ARSK: variants seen among roughly 807,000 people sequenced by gnomAD.
The protein encoded by ARSK is arylsulfatase K.
In ARSK, 37 loss-of-function variants were observed where a neutral mutation model predicts 53.2. That is an observed-to-expected ratio of 0.70 (90% CI 0.54 to 0.92). ARSK has a LOEUF of 0.92. ARSK is among the 40% of genes least tolerant of loss of function. The pLI, the probability that ARSK is intolerant of heterozygous loss-of-function variation, is 0.00. For missense variants in ARSK, 613 were observed against 643.0 expected (o/e 0.95, Z 0.51); for synonymous variants, 208 against 223.2 (o/e 0.93, Z 0.61).
rs1243851309 is a variant in ARSK at position 95,604,214 on chromosome 5, G to A, written c.*688G>A. The stretch of plus-strand genomic sequence containing the variant: ...TACTTGTATTTGATGGGATTGTTTG[G>A]ATGTATTTAATGGGAGTATTTGGAG... On this transcript the variant is annotated 3_prime_UTR_variant, in exon 8 of 8. Transcript: ENST00000380009. 2 of 152,212 alleles carry A rather than the reference G, an allele frequency of 1.3e-5. No individual in the cohort carries two copies. Among genetic ancestry groups the A allele is most frequent in the African/African-American group, 4.8e-5 (2 of 41,462 alleles). The allele number at this position is 152,212 out of a possible 1,614,324, so 9.4% of individuals were successfully genotyped here.
rs1172154966 is a variant in ARSK at position 95,604,729 on chromosome 5, C to A, written c.*1203C>A. ...ATAAAAATGTTCTATTTTTATTTTT[C>A]TTTTTATGAGTAACGTAGAGCATAT... On this transcript the variant is annotated 3_prime_UTR_variant, in exon 8 of 8. Transcript: ENST00000380009. 6 of 152,072 alleles carry A rather than the reference C, an allele frequency of 3.9e-5. No homozygotes were observed. The highest frequency in any genetic ancestry group is 4.1e-4 in the South Asian group (2 of 4,824). The allele number at this position is 152,072 out of a possible 1,614,324, so 9.4% of individuals were successfully genotyped here.
Position 95,600,983 on chromosome 5 carries a change from T to C in ARSK, c.1233T>C (p.Asn411=), listed in dbSNP as rs1749391957. 1 of 1,614,108 alleles carries C rather than the reference T, an allele frequency of 6.2e-7. No individual in the cohort carries two copies. The highest frequency in any genetic ancestry group is 8.5e-7 in the Non-Finnish European group (1 of 1,179,952). Residue 411 remains asparagine, a synonymous_variant, in exon 7 of 8, where the codon AAT becomes AAC. Coordinates refer to ENST00000380009, the MANE Select transcript of ARSK (RefSeq NM_198150.3). ...PWILSEFHGC[N]VNASTYMLRT... is the part of the protein sequence containing the mutation. ...TTCTGAGTGAATTCCATGGATGTAA[T>C]GTGAATGCCTCCACCTACATGCTTC... is the stretch of plus-strand genomic sequence containing the variant.
chr5:95,571,621 GA>G (rs924511017), intron 3 of ARSK, among the ~76,000 whole-genome samples: 5 of 151,946 alleles, frequency 3.3e-5, no homozygotes, highest in African/African-American at 1.2e-4. Context: ...ATTAGTAGAG[GA>G]AAAAAACACT....
rs1749049797 is a variant in ARSK, at chr5:95,583,174, C to T, written c.675C>T (p.His225=). 1 of 1,587,064 alleles carries T rather than the reference C, an allele frequency of 6.3e-7. No homozygotes were observed. The highest frequency in any genetic ancestry group is 8.6e-7 in the Non-Finnish European group (1 of 1,162,984). Reference sequence around the variant, plus strand: ...AAAATTTTGGATCTTCAACATTTCACACATCTCTTTATTGGCTTGAAAAAG... The same window carrying T: ...AAAATTTTGGATCTTCAACATTTCATACATCTCTTTATTGGCTTGAAAAAG... The part of the protein sequence containing the change: ...SGENFGSSTF[H]TSLYWLEKVS... Residue 225 remains histidine (H), a synonymous_variant, in exon 4 of 8, where the codon CAC becomes CAT. Coordinates refer to ENST00000380009, the MANE Select transcript of ARSK (RefSeq NM_198150.3).
At chr5:95,602,283 C>T (rs1422235738) in intron 7 of ARSK, among the ~76,000 whole-genome samples, 2 of 152,164 alleles carry the variant, frequency 1.3e-5, no homozygotes, top group East Asian at 3.9e-4. Context: ...TCAGGAATCA[C>T]TAAATAAAAG....
In ARSK at chr5:95,603,779, A is replaced by G. The variant is rs1749453888; in HGVS notation, c.*253A>G. 4.5e-6 allele frequency: 1 copy of G among 222,682 alleles called. No individual in the cohort carries two copies. The highest frequency in any genetic ancestry group is 8.8e-6 in the Non-Finnish European group (1 of 113,914). The allele number at this position is 222,682 out of a possible 1,614,324, so 13.8% of individuals were successfully genotyped here. A position where few individuals can be genotyped will look rare whatever the true frequency, so the allele number is the denominator to read the frequency against. ...AAAAATTAGCTGGGCGCGGTGGTGC[A>G]CACCTATAGTCTCAGCTACTCAGAG... On this transcript the variant is annotated 3_prime_UTR_variant, in exon 8 of 8. Transcript: ENST00000380009.
intron 1 of ARSK, among the ~76,000 whole-genome samples, chr5:95,560,669 C>T (rs1257098051): frequency 2.0e-5 from 3 of 151,212 alleles, no homozygotes; most frequent in Admixed American, 2.0e-4. Context: ...TTGCACCATA[C>T]ACAAACACAC....
intron 5 of ARSK, among the ~76,000 whole-genome samples, chr5:95,588,931 C>T (rs932989232): frequency 1.3e-5 from 2 of 152,130 alleles, no homozygotes; most frequent in African/African-American, 4.8e-5. Context: ...CACTGCACTC[C>T]AGCCTGGTGA....
chr5:95,567,682 G>A (rs529567040), intron 2 of ARSK, among the ~76,000 whole-genome samples: 2 of 152,148 alleles, frequency 1.3e-5, no homozygotes, highest in Non-Finnish European at 2.9e-5. Flanking sequence ...CAACTCATCT[G>A]TAAAATGGAA....
chr5:95,580,981 T>A, intron 3 of ARSK: 1 of 1,184,738 alleles, frequency 8.4e-7, no homozygotes. Context: ...ATCTTGTCTC[T>A]GCTGCCTTAA....
intron 6 of ARSK, among the ~76,000 whole-genome samples, chr5:95,598,778 C>A (rs1749352035): frequency 1.3e-5 from 2 of 152,300 alleles, no homozygotes; most frequent in South Asian, 4.1e-4. Context: ...TTACTCTACT[C>A]CAGCCAAACA....
In ARSK at chr5:95,584,633, G is replaced by A. The variant is rs185968220; in HGVS notation, c.699+1435G>A. On this transcript the variant is annotated intron_variant, in intron 4 of 7. Coordinates refer to ENST00000380009, the MANE Select transcript of ARSK (RefSeq NM_198150.3). ...CCACAGAGTTTGTGAGAAAATCTTC[G>A]CAATCTATACATCTGACAAAAGACT... is the stretch of plus-strand genomic sequence containing the variant. 1.3e-3 allele frequency among the ~76,000 whole-genome samples: 205 copies of A among 152,046 alleles called. 1 individual carries two copies. The highest frequency in any genetic ancestry group is 2.3e-3 in the South Asian group (11 of 4,822).
At chr5:95,601,094 A>G in intron 7 of ARSK, 23 bp downstream of exon 7, 3 of 1,582,878 alleles carry the variant, frequency 1.9e-6, no homozygotes, top group African/African-American at 2.7e-5. Context: ...ATATATTTTT[A>G]AGTGTAATAT....
chr5:95,567,831 C>A, intron 2 of ARSK, 59 bp from the exon 3 acceptor site: 1 of 1,508,340 alleles, frequency 6.6e-7, no homozygotes, highest in Non-Finnish European at 9.0e-7. Context: ...AGTAATTGTC[C>A]TAATAGTTAA....
intron 3 of ARSK, among the ~76,000 whole-genome samples, chr5:95,571,027 C>T (rs907156426): frequency 6.6e-6 from 1 of 152,178 alleles, no homozygotes; most frequent in Non-Finnish European, 1.5e-5. Flanking sequence ...ATGATCTGCC[C>T]GCCTAGGCCT....
At chr5:95,585,316 A>G (rs1056333868) in intron 4 of ARSK, among the ~76,000 whole-genome samples, 1 of 152,188 alleles carries the variant, frequency 6.6e-6, no homozygotes, top group Non-Finnish European at 1.5e-5. Flanking sequence ...ATCCCACTAC[A>G]TGGTATCTAC....
At position 95,559,894 on chromosome 5, in the gene ARSK, GGAA is replaced by G. The variant is rs1748596618; in HGVS notation, c.126+4495_126+4497del. 2.0e-5 allele frequency among the ~76,000 whole-genome samples: 3 copies of G among 152,186 alleles called. No homozygotes were observed. In the South Asian group the frequency reaches 6.2e-4, roughly 31 times the overall value. The stretch of plus-strand genomic sequence containing the variant: ...AAATAAAAGGCATTCACATTGGAAA[GGAA>G]GAAGTAAAAGTATCTATACTTGCAG... On this transcript the variant is annotated intron_variant, in intron 1 of 7. Coordinates refer to ENST00000380009, the MANE Select transcript of ARSK (RefSeq NM_198150.3).
intron 6 of ARSK, among the ~76,000 whole-genome samples, chr5:95,593,901 C>T (rs2112444352): frequency 6.6e-6 from 1 of 152,166 alleles, no homozygotes; most frequent in Admixed American, 6.5e-5. Flanking sequence ...TGGTAATAGA[C>T]TCCTTCTAAG....
At chr5:95,601,176 T>TTAAAATA in intron 7 of ARSK, 105 bp downstream of exon 7, 1 of 1,100,326 alleles carries the variant, frequency 9.1e-7, no homozygotes. Context: ...AATGAATATC[T>TTAAAATA]GCTGCTTCTC....
Sources: allele counts gnomAD v4.1 joint callset (sites outside exome capture counted in the v4.1 genomes callset), GRCh38; gene constraint gnomAD v4.1.1; transcripts MANE v1.5; gene names NCBI Gene and HGNC (gene_info 2026-07-23, HGNC 2026-07-21).